Variants in WASHC3 observed in about 807,000 individuals in gnomAD.
WASHC3 encodes WASH complex subunit 3, also known as WASH complex subunit CCDC53.
WASHC3 carries 24 observed loss-of-function variants against 26.1 expected under a neutral mutation model. The ratio of observed to expected loss-of-function variants is 0.92; its 90% CI spans 0.66 to 1.29. The LOEUF is 1.29. Ranked by LOEUF, WASHC3 falls within the 50% of genes most tolerant of loss-of-function variation. The probability of loss-of-function intolerance (pLI) is 0.00; values close to 1 mark genes in which losing one functional copy is unlikely to be tolerated. For synonymous variants in WASHC3, 77 were observed against 75.7 expected (o/e 1.02, Z -0.09); for missense variants, 214 against 229.6 (o/e 0.93, Z 0.44).
chr12:102,018,938 C>T (rs758878418), intron 6 of WASHC3, among the ~76,000 whole-genome samples: 43 of 152,268 alleles, frequency 2.8e-4, no homozygotes, highest in Non-Finnish European at 5.6e-4. Context: ...GCTGGTATTA[C>T]AGGCGAGTGC....
At chr12:102,029,092 G>T (rs1053085607) in intron 5 of WASHC3, among the ~76,000 whole-genome samples, 4 of 152,186 alleles carry the variant, frequency 2.6e-5, no homozygotes, top group Non-Finnish European at 4.4e-5. Context: ...GTGTTCCAAA[G>T]AATGCATTCC....
intron 2 of WASHC3, among the ~76,000 whole-genome samples, chr12:102,057,317 A>G (rs1413810867): frequency 1.3e-5 from 2 of 152,184 alleles, no homozygotes; most frequent in Non-Finnish European, 2.9e-5. Flanking sequence ...ATCATACGCA[A>G]TGGTGAAAAC....
chr12:102,022,268 T>C (rs1001332693), intron 6 of WASHC3, among the ~76,000 whole-genome samples: 2 of 152,222 alleles, frequency 1.3e-5, no homozygotes, highest in African/African-American at 4.8e-5. Flanking sequence ...CATAATAGTA[T>C]ATAGGCAACT....
chr12:102,026,628 C>T (rs1379812566), intron 5 of WASHC3, among the ~76,000 whole-genome samples: 5 of 152,050 alleles, frequency 3.3e-5, no homozygotes, highest in South Asian at 2.1e-4. Flanking sequence ...AGTAAAAACA[C>T]GTGAATCTCA....
At chr12:102,049,899 A>G (rs1163941833) in intron 2 of WASHC3, among the ~76,000 whole-genome samples, 2 of 152,256 alleles carry the variant, frequency 1.3e-5, no homozygotes, top group Non-Finnish European at 2.9e-5. Flanking sequence ...TGAATGTAGA[A>G]GATAAGCACT....
At chr12:102,039,113 A>G (rs912780529) in intron 5 of WASHC3, among the ~76,000 whole-genome samples, 18 of 146,046 alleles carry the variant, frequency 1.2e-4, no homozygotes, top group Middle Eastern at 7.2e-3. Context: ...GGTGCATGCC[A>G]TCATATGGAG....
At chr12:102,047,301 T>C (rs1404073368) in intron 2 of WASHC3, among the ~76,000 whole-genome samples, 6 of 152,220 alleles carry the variant, frequency 3.9e-5, no homozygotes, top group Non-Finnish European at 8.8e-5. Flanking sequence ...TTTACCATCC[T>C]GTGAAATGGT....
chr12:102,038,544 GTTGTTGTTT>G (rs1381096039), intron 5 of WASHC3, among the ~76,000 whole-genome samples: 5 of 152,056 alleles, frequency 3.3e-5, no homozygotes, highest in African/African-American at 1.2e-4. Context: ...TGTTGTTGTT[GTTGTTGTTT>G]TTTAACAAGT....
At chr12:102,039,812 G>T in intron 5 of WASHC3, 56 bp downstream of exon 5, 1 of 763,054 alleles carries the variant, frequency 1.3e-6, no homozygotes, top group Non-Finnish European at 2.3e-6. Context: ...AAACCTCCAG[G>T]GTTAAGAATT....
chr12:102,053,904 A>C lies in WASHC3; in HGVS notation c.150+7344T>G, dbSNP rs576828589. Among the ~76,000 whole-genome samples the C allele has an allele frequency of 1.5e-3, 232 of 152,368 alleles. 1 individual carries two copies. The highest frequency in any genetic ancestry group is 5.4e-3 in the African/African-American group (223 of 41,594). On this transcript the variant is annotated intron_variant, in intron 2 of 6. Transcript: ENST00000240079. ...TAATAATAGCTACAATAACTTGTTAAGGGATATGCAGTATAAAAAGATATA... is the reference window on the plus strand; with the variant it reads ...TAATAATAGCTACAATAACTTGTTACGGGATATGCAGTATAAAAAGATATA...
At chr12:102,018,668 C>T (rs1876815026) in intron 6 of WASHC3, among the ~76,000 whole-genome samples, 1 of 152,186 alleles carries the variant, frequency 6.6e-6, no homozygotes, top group Admixed American at 6.5e-5. Flanking sequence ...TGAGGTCTCA[C>T]TTTGTTGCCC....
chr12:102,047,284 G>C (rs1042751866), intron 2 of WASHC3, among the ~76,000 whole-genome samples: 2 of 152,170 alleles, frequency 1.3e-5, no homozygotes, highest in African/African-American at 4.8e-5. Context: ...TGACTATTAA[G>C]TAGAACTTTA....
intron 6 of WASHC3, among the ~76,000 whole-genome samples, chr12:102,020,738 T>C (rs1876918916): frequency 6.6e-6 from 1 of 152,144 alleles, no homozygotes. Flanking sequence ...TAAAGTCACA[T>C]GGTACTGTTG....
intron 2 of WASHC3, among the ~76,000 whole-genome samples, chr12:102,058,490 G>A (rs779652401): frequency 2.5e-4 from 38 of 152,032 alleles, no homozygotes; most frequent in Non-Finnish European, 4.0e-4. Flanking sequence ...AAAAGACTAC[G>A]AAGCTTTTGC....
intron 6 of WASHC3, among the ~76,000 whole-genome samples, chr12:102,023,400 G>GTGTA (rs1250779119): frequency 5.3e-5 from 8 of 152,056 alleles, no homozygotes; most frequent in Non-Finnish European, 1.2e-4. Flanking sequence ...AAAAAATAAA[G>GTGTA]TGTATGTTTA....
intron 5 of WASHC3, among the ~76,000 whole-genome samples, chr12:102,027,034 T>G (rs1877224216): frequency 6.6e-6 from 1 of 152,202 alleles, no homozygotes; most frequent in Non-Finnish European, 1.5e-5. Flanking sequence ...GATGTTCATT[T>G]TTTAACTTTT....
At chr12:102,056,338 G>C (rs1878591874) in intron 2 of WASHC3, among the ~76,000 whole-genome samples, 1 of 152,124 alleles carries the variant, frequency 6.6e-6, no homozygotes, top group African/African-American at 2.4e-5. Flanking sequence ...TGTATGCTCA[G>C]GAATTTTTCC....
chr12:102,034,767 A>G (rs530679563), intron 5 of WASHC3, among the ~76,000 whole-genome samples: 1 of 145,156 alleles, frequency 6.9e-6, no homozygotes, highest in Non-Finnish European at 1.5e-5. Context: ...AACAAATCCA[A>G]TAGCCTAAAA....
intron 5 of WASHC3, among the ~76,000 whole-genome samples, chr12:102,029,309 T>C (rs1387776880): frequency 6.6e-6 from 1 of 152,170 alleles, no homozygotes; most frequent in African/African-American, 2.4e-5. Context: ...TGTGGGATTT[T>C]TTTTGGCAAG....
Sources: allele counts gnomAD v4.1 joint callset (sites outside exome capture counted in the v4.1 genomes callset), GRCh38; gene constraint gnomAD v4.1.1; transcripts MANE v1.5; gene names NCBI Gene and HGNC (gene_info 2026-07-23, HGNC 2026-07-21).